RGS6: variants seen among roughly 807,000 people sequenced by gnomAD.
RGS6 encodes regulator of G protein signaling 6, also known as regulator of G-protein signaling 6.
Under a neutral mutation model 78.5 loss-of-function variants are expected in RGS6, and 30 were observed. The ratio of observed to expected loss-of-function variants is 0.38; its 90% CI spans 0.29 to 0.52. The LOEUF (loss-of-function observed/expected upper bound fraction) is 0.52, where lower values mean the gene tolerates loss of function less well. RGS6 is among the 20% of genes least tolerant of loss of function. The probability of loss-of-function intolerance (pLI) is 0.85; values close to 1 mark genes in which losing one functional copy is unlikely to be tolerated. For missense variants in RGS6, 495 were observed against 609.7 expected, an observed-to-expected ratio of 0.81 and a Z score of 1.98; for synonymous variants, 206 against 206.0, an observed-to-expected ratio of 1.00 and a Z score of 0.00.
intron 14 of RGS6, among the ~76,000 whole-genome samples, chr14:72,514,485 G>C (rs2096916412): frequency 6.6e-6 from 1 of 152,174 alleles, no homozygotes; most frequent in Admixed American, 6.5e-5. Context: ...GGCTCCCACT[G>C]GGGCAGCCCC....
At position 72,532,046 on chromosome 14, in the gene RGS6, C is replaced by T. The variant is rs529489726; in HGVS notation, c.1279-4140C>T. Among the ~76,000 whole-genome samples, 96 of 152,260 alleles carry T rather than the reference C, an allele frequency of 6.3e-4. 1 individual carries two copies. Among genetic ancestry groups the T allele is most frequent in the African/African-American group, 2.0e-3 (84 of 41,560 alleles). On this transcript the variant is annotated intron_variant, in intron 15 of 17. Transcript: ENST00000553525. ...TTAGATTCCATATACAGGCACATCT[C>T]GTTTTATTGCACTTCCCTGTATTAT...
At chr14:72,356,896 A>G (rs2080416090) in intron 3 of RGS6, among the ~76,000 whole-genome samples, 1 of 152,216 alleles carries the variant, frequency 6.6e-6, no homozygotes, top group Non-Finnish European at 1.5e-5. Flanking sequence ...AATCTTGGGT[A>G]TGTCTTTATT....
chr14:72,583,692 C>A, the RGS6 span, among the ~76,000 whole-genome samples: 1 of 152,218 alleles, frequency 6.6e-6, no homozygotes, highest in Non-Finnish European at 1.5e-5. Flanking sequence ...TTCTGCCAAT[C>A]CTTCTTGATG....
At chr14:72,139,480 CTAT>C (rs1276028716) in intron 2 of RGS6, among the ~76,000 whole-genome samples, 2 of 152,130 alleles carry the variant, frequency 1.3e-5, no homozygotes, top group African/African-American at 4.8e-5. Flanking sequence ...ATATGAATCG[CTAT>C]TATTTTAACT....
intron 2 of RGS6, among the ~76,000 whole-genome samples, chr14:72,298,257 T>C (rs1757555722): frequency 6.6e-6 from 1 of 151,958 alleles, no homozygotes; most frequent in Admixed American, 6.6e-5. Context: ...TCTATTAATA[T>C]GTTGAATTAT....
At chr14:72,516,994 C>G (rs1009878140) in intron 14 of RGS6, 4 of 149,998 alleles carry the variant, frequency 2.7e-5, no homozygotes, top group Admixed American at 6.6e-5. Flanking sequence ...CATTTGGGGA[C>G]ACACACACAC....
In RGS6 at chr14:72,224,434, GA is replaced by G. The variant is rs568059904; in HGVS notation, c.85-127656del. Reference sequence around the variant, plus strand: ...CCTATCTCAAAAAAAAGAAGAAGAAGAAAAAGAAATGGTTTGGGTGTGGGTT... The same window carrying G: ...CCTATCTCAAAAAAAAGAAGAAGAAGAAAAGAAATGGTTTGGGTGTGGGTT... On this transcript the variant is annotated intron_variant, in intron 2 of 17. Transcript: ENST00000553525. Among the ~76,000 whole-genome samples the G allele has an allele frequency of 7.6e-3, 954 of 126,234 alleles. 12 individuals carry two copies. The highest frequency in any genetic ancestry group is 0.027 in the African/African-American group (908 of 33,360). The allele number at this position is 126,234 out of a possible 152,430, so 82.8% of individuals were successfully genotyped here. A position where few individuals can be genotyped will look rare whatever the true frequency, so the allele number is the denominator to read the frequency against.
chr14:72,569,559 A>G (rs941443434), downstream of RGS6, among the ~76,000 whole-genome samples: 3 of 152,132 alleles, frequency 2.0e-5, no homozygotes, highest in Non-Finnish European at 4.4e-5. Flanking sequence ...AGGCACCTGT[A>G]ATCCCAGCTA....
Position 71,962,956 on chromosome 14 carries a change from A to G in RGS6, c.-20-1816A>G, listed in dbSNP as rs374921919. Among the ~76,000 whole-genome samples the G allele has an allele frequency of 7.2e-5, 11 of 152,294 alleles. No homozygotes were observed. The East Asian group carries it at 1.5e-3, about 21-fold the overall frequency. On this transcript the variant is annotated intron_variant, in intron 1 of 17. Coordinates refer to ENST00000553525, the MANE Select transcript of RGS6 (RefSeq NM_001204424.2). ...TATTTATAAGAGTTTCTTTGATGAAAAGCCTCTGAATTTTGTGCAAATAAC... is the reference window on the plus strand; with the variant it reads ...TATTTATAAGAGTTTCTTTGATGAAGAGCCTCTGAATTTTGTGCAAATAAC...
chr14:72,414,239 C>T (rs1431954074), intron 3 of RGS6, among the ~76,000 whole-genome samples: 1 of 152,196 alleles, frequency 6.6e-6, no homozygotes, highest in African/African-American at 2.4e-5. Flanking sequence ...TTCACATACT[C>T]CCGTATTTCT....
At chr14:72,440,319 G>T (rs1479407600) in intron 3 of RGS6, among the ~76,000 whole-genome samples, 3 of 152,046 alleles carry the variant, frequency 2.0e-5, no homozygotes, top group Non-Finnish European at 4.4e-5. Context: ...CTTTGCTTCT[G>T]TCCGACTACT....
chr14:72,039,813 A>ATTTTTTTTTTTTTTTTT (rs3053082), intron 2 of RGS6, among the ~76,000 whole-genome samples: 1 of 68,874 alleles, frequency 1.5e-5, no homozygotes, highest in Non-Finnish European at 2.7e-5. Flanking sequence ...TGTTTCATTG[A>ATTTTTTTTTTTTTTTTT]TTTTTTTTTT....
At chr14:72,123,320 G>A (rs917563631) in intron 2 of RGS6, among the ~76,000 whole-genome samples, 1 of 152,138 alleles carries the variant, frequency 6.6e-6, no homozygotes, top group Admixed American at 6.5e-5. Context: ...AACAAGTTAG[G>A]ATGCAGGAAT....
chr14:72,316,010 T>C (rs570871467), intron 2 of RGS6, among the ~76,000 whole-genome samples: 50 of 152,194 alleles, frequency 3.3e-4, no homozygotes, highest in Non-Finnish European at 6.8e-4. Flanking sequence ...CAACCATGCA[T>C]AGGCAGAATT....
the RGS6 span, among the ~76,000 whole-genome samples, chr14:72,583,556 AAC>A: frequency 6.6e-6 from 1 of 152,182 alleles, no homozygotes; most frequent in Non-Finnish European, 1.5e-5. Flanking sequence ...GTGATGCAAG[AAC>A]ACAGTCTTCT....
At chr14:72,035,569 C>G (rs1178302512) in intron 2 of RGS6, among the ~76,000 whole-genome samples, 2 of 151,940 alleles carry the variant, frequency 1.3e-5, no homozygotes, top group Admixed American at 1.3e-4. Context: ...TTGTTAATTT[C>G]TTTCTTCCTT....
chr14:72,153,768 G>A lies in RGS6; in HGVS notation c.84+188893G>A, dbSNP rs572529646. Among the ~76,000 whole-genome samples the A allele has an allele frequency of 8.5e-5, 13 of 152,268 alleles. No homozygotes were observed. The South Asian group carries it at 2.5e-3, about 29-fold the overall frequency. ...GATCACATGCTTCAAAGGGCAAAAG[G>A]TAGAACAAAGATCATATGCTTCTGG... On this transcript the variant is annotated intron_variant, in intron 2 of 17. Transcript: ENST00000553525.
At chr14:71,895,939 G>T in the RGS6 span, among the ~76,000 whole-genome samples, 1 of 152,100 alleles carries the variant, frequency 6.6e-6, no homozygotes, top group Non-Finnish European at 1.5e-5. Flanking sequence ...CCTACTCTTT[G>T]ATTTCCAGTC....
At chr14:72,293,247 C>G (rs1000595636) in intron 2 of RGS6, among the ~76,000 whole-genome samples, 6 of 152,188 alleles carry the variant, frequency 3.9e-5, no homozygotes, top group South Asian at 2.1e-4. Context: ...TATCATGTAA[C>G]AAGTTCAAGA....
Sources: gnomAD v4.1 joint callset for allele counts (sites outside exome capture counted in the v4.1 genomes callset) on GRCh38, gnomAD v4.1.1 for gene constraint, MANE v1.5 for transcripts, NCBI Gene and HGNC (gene_info 2026-07-23, HGNC 2026-07-21) for gene names.